Variants in PHF14 observed in about 807,000 individuals in gnomAD.
The protein encoded by PHF14 is PHD finger protein 14.
PHF14 carries 55 observed loss-of-function variants against 117.9 expected under a neutral mutation model. The observed-to-expected ratio is 0.47, with a 90% CI of 0.38 to 0.58. The LOEUF (loss-of-function observed/expected upper bound fraction) is 0.58, where lower values mean the gene tolerates loss of function less well. Among genes scored for constraint, PHF14 ranks in the 20% least tolerant of loss-of-function variants. PHF14 has a pLI of 0.00. For missense variants in PHF14, 978 were observed against 1,122.2 expected (o/e 0.87, Z 1.84); for synonymous variants, 409 against 368.6 (o/e 1.11, Z -1.26).
intron 16 of PHF14, chr7:11,103,152 C>T (rs1463529607): frequency 2.0e-6 from 2 of 977,746 alleles, no homozygotes; most frequent in African/African-American, 1.8e-5. Context: ...AAGCATATGA[C>T]ATTCTATTTT....
At chr7:11,069,772 G>A (rs1369268700) in intron 16 of PHF14, among the ~76,000 whole-genome samples, 1 of 149,770 alleles carries the variant, frequency 6.7e-6, no homozygotes, top group Non-Finnish European at 1.5e-5. Context: ...CTGGGCTTAA[G>A]TGATCCTCCT....
At chr7:11,166,268 A>G (rs1789199866) in intron 17 of PHF14, among the ~76,000 whole-genome samples, 1 of 152,078 alleles carries the variant, frequency 6.6e-6, no homozygotes, top group Non-Finnish European at 1.5e-5. Flanking sequence ...TAAGAAAATG[A>G]TCCATGTAGC....
At chr7:11,004,901 C>G (rs1329530067) in intron 4 of PHF14, among the ~76,000 whole-genome samples, 1 of 151,798 alleles carries the variant, frequency 6.6e-6, no homozygotes, top group Non-Finnish European at 1.5e-5. Flanking sequence ...CCTGTAATCC[C>G]AGCTGGTTGG....
chr7:11,028,631 T>C (rs184019470), intron 6 of PHF14, 50 bp from the exon 7 acceptor site: 8 of 1,575,684 alleles, frequency 5.1e-6, no homozygotes, highest in African/African-American at 1.3e-5. Flanking sequence ...ATGCAGTCTT[T>C]AGTCTGGAAA....
intron 16 of PHF14, among the ~76,000 whole-genome samples, chr7:11,064,697 T>C (rs1263114763): frequency 6.6e-6 from 1 of 152,054 alleles, no homozygotes; most frequent in African/African-American, 2.4e-5. Context: ...ATATGTATAA[T>C]TTTTTATATC....
rs6958214 is a variant in PHF14, at chr7:11,071,134, T to C, written c.2654+9049T>C. The C allele has an allele frequency of 1.9e-3, 678 of 358,124 alleles. 4 individuals are homozygous for C. Among genetic ancestry groups the C allele is most frequent in the African/African-American group, 0.013 (624 of 48,278 alleles). 22.2% of individuals were successfully genotyped at this position (358,124 alleles called of 1,614,324 possible). On this transcript the variant is annotated intron_variant, in intron 16 of 17. Coordinates refer to ENST00000634607, the MANE Select transcript of PHF14 (RefSeq NM_001007157.2). ...AGTTTAAGCTTGTCACTTGCCAGCTTTGTAATTTTAAGCAAGTCACTTAAT... is the reference window on the plus strand; with the variant it reads ...AGTTTAAGCTTGTCACTTGCCAGCTCTGTAATTTTAAGCAAGTCACTTAAT...
intron 17 of PHF14, among the ~76,000 whole-genome samples, chr7:11,127,600 ACT>A (rs1787964400): frequency 1.3e-5 from 2 of 151,984 alleles, no homozygotes; most frequent in Admixed American, 1.3e-4. Context: ...CAGGGGACAA[ACT>A]CTGAGTAATT....
chr7:11,105,243 T>C (rs979681720), intron 16 of PHF14: 20 of 957,370 alleles, frequency 2.1e-5, no homozygotes, highest in Non-Finnish European at 2.5e-5. Context: ...TTATAGATCA[T>C]TGTCATTCGT....
At chr7:11,049,423 C>G (rs575297360) in intron 13 of PHF14, among the ~76,000 whole-genome samples, 2 of 149,494 alleles carry the variant, frequency 1.3e-5, no homozygotes, top group Admixed American at 6.7e-5. Context: ...TGCAGTGAGC[C>G]GAGATCGTGC....
intron 3 of PHF14, among the ~76,000 whole-genome samples, chr7:10,985,502 T>C (rs1226120729): frequency 6.6e-6 from 1 of 152,086 alleles, no homozygotes; most frequent in East Asian, 1.9e-4. Flanking sequence ...AATTTTGAAG[T>C]TTCTTAAGGG....
intron 16 of PHF14, chr7:11,105,228 A>G (rs1433467456): frequency 2.1e-6 from 2 of 960,262 alleles, no homozygotes; most frequent in Non-Finnish European, 2.5e-6. Context: ...ATATTTATGC[A>G]TTGTTTATAG....
At chr7:10,996,469 A>G (rs1302095634) in intron 4 of PHF14, among the ~76,000 whole-genome samples, 1 of 151,206 alleles carries the variant, frequency 6.6e-6, no homozygotes, top group Non-Finnish European at 1.5e-5. Context: ...GTGATGACCC[A>G]GAGAAAACTG....
At chr7:11,063,059 T>G in intron 16 of PHF14, 3 of 828,176 alleles carry the variant, frequency 3.6e-6, no homozygotes, top group Non-Finnish European at 1.5e-6. Flanking sequence ...TAATCTATTT[T>G]GGTCATTAAA....
chr7:11,132,821 A>G (rs577413757), intron 17 of PHF14, among the ~76,000 whole-genome samples: 9 of 151,982 alleles, frequency 5.9e-5, no homozygotes, highest in African/African-American at 1.7e-4. Context: ...ATGGTATCTC[A>G]TAGTGGTTTG....
intron 16 of PHF14, among the ~76,000 whole-genome samples, chr7:11,074,163 C>T (rs543758565): frequency 6.6e-5 from 10 of 152,184 alleles, no homozygotes; most frequent in South Asian, 6.2e-4. Flanking sequence ...GGTTGCTCCA[C>T]AACCACCTTG....
intron 16 of PHF14, among the ~76,000 whole-genome samples, chr7:11,084,582 T>C (rs1468106949): frequency 4.6e-5 from 7 of 152,016 alleles, no homozygotes; most frequent in Non-Finnish European, 8.8e-5. Context: ...AGCTACAAAA[T>C]ATAATTTGGA....
intron 17 of PHF14, among the ~76,000 whole-genome samples, chr7:11,155,767 T>C (rs542459526): frequency 6.6e-6 from 1 of 151,874 alleles, no homozygotes; most frequent in East Asian, 1.9e-4. Flanking sequence ...ACAATGTTTT[T>C]TTTTTGTTTT....
chr7:10,984,859 T>C (rs1280413210), intron 3 of PHF14, among the ~76,000 whole-genome samples: 6 of 152,150 alleles, frequency 3.9e-5, no homozygotes, highest in Non-Finnish European at 7.4e-5. Flanking sequence ...CTTTAGTAAA[T>C]AAAGGGACCT....
chr7:11,110,954 G>T (rs1353794184), intron 16 of PHF14: 2 of 152,860 alleles, frequency 1.3e-5, no homozygotes, highest in Non-Finnish European at 2.9e-5. Context: ...TTCATATCCT[G>T]GAATTATATA....
Sources: allele counts gnomAD v4.1 joint callset (sites outside exome capture counted in the v4.1 genomes callset), GRCh38; gene constraint gnomAD v4.1.1; transcripts MANE v1.5; gene names NCBI Gene and HGNC (gene_info 2026-07-23, HGNC 2026-07-21).